The following FBXL14 variants were observed in gnomAD, a reference collection of about 807,000 sequenced individuals.
FBXL14 encodes F-box and leucine rich repeat protein 14.
In FBXL14, 11 loss-of-function variants were observed where a neutral mutation model predicts 24.5. That is an observed-to-expected ratio of 0.45 (90% CI 0.28 to 0.74). The LOEUF (loss-of-function observed/expected upper bound fraction) is 0.74. Ranked by LOEUF, FBXL14 falls within the 30% of genes least tolerant of loss-of-function variation. The probability of loss-of-function intolerance (pLI) is 0.12; values close to 1 mark genes in which losing one functional copy is unlikely to be tolerated. For missense variants in FBXL14, 384 were observed against 545.6 expected (o/e 0.70, Z 2.95); for synonymous variants, 294 against 240.4 (o/e 1.22, Z -2.06).
chr12:1,567,416 G>A lies in FBXL14; in HGVS notation c.1195-606C>T, dbSNP rs1367493053. On this transcript the variant is annotated intron_variant, in intron 1 of 1. Coordinates refer to ENST00000339235, the MANE Select transcript of FBXL14 (RefSeq NM_152441.3). The surrounding 1 kb of genome is among the most constrained non-coding windows in gnomAD (Gnocchi z 4.8). ...CTGAGGCAAGAGAACCGCTTGAACC[G>A]GGAGGCAGAGGTTGCAGTGAGCCAA... Among the ~76,000 whole-genome samples the A allele has an allele frequency of 1.3e-5, 2 of 152,042 alleles. No homozygotes were observed. Among genetic ancestry groups the A allele is most frequent in the Admixed American group, 6.6e-5 (1 of 15,246 alleles).
chr12:1,577,500 A>AT (rs1403751533), intron 1 of FBXL14, among the ~76,000 whole-genome samples: 1 of 152,170 alleles, frequency 6.6e-6, no homozygotes, highest in Admixed American at 6.5e-5. Context: ...AGTAAAAATA[A>AT]TTTTTTAACC....
rs577657068 is a variant in FBXL14 at position 1,567,201 on chromosome 12, G to A, written c.1195-391C>T. Among the ~76,000 whole-genome samples, 5 of 152,244 alleles carry A rather than the reference G, an allele frequency of 3.3e-5. No homozygotes were observed. In the East Asian group the frequency reaches 5.8e-4, roughly 18 times the overall value. On this transcript the variant is annotated intron_variant, in intron 1 of 1. Coordinates refer to ENST00000339235, the MANE Select transcript of FBXL14 (RefSeq NM_152441.3). This position sits in a 1 kb window ranked among gnomAD's most constrained non-coding sequence, Gnocchi z 4.8. Reference sequence around the variant, plus strand: ...AATAGGGCCTGGCACGGTGGCTGACGCCTGTAATCCCAGCACTTTGGGAGG... The same window carrying A: ...AATAGGGCCTGGCACGGTGGCTGACACCTGTAATCCCAGCACTTTGGGAGG...
Position 1,594,515 on chromosome 12 carries a change from G to C in FBXL14, c.-449C>G, listed in dbSNP as rs1050009513. Among the ~76,000 whole-genome samples, 1 of 147,328 alleles carries C rather than the reference G, an allele frequency of 6.8e-6. No homozygotes were observed. Among genetic ancestry groups the C allele is most frequent in the Non-Finnish European group, 1.5e-5 (1 of 66,122 alleles). On this transcript the variant is annotated 5_prime_UTR_variant, in exon 1 of 2. Coordinates refer to ENST00000339235, the MANE Select transcript of FBXL14 (RefSeq NM_152441.3). The stretch of plus-strand genomic sequence containing the variant: ...CCGGCGGGCGGCGAGGGGGCCCCGG[G>C]GGCCGGGCGCACGGGCTCCGGGCGC...
rs150243029 is a variant in FBXL14 at position 1,579,485 on chromosome 12, G to A, written c.1195-12675C>T. ...ACAAAAATTAGCCGGGCATGATGGCGCACACCTGTAATCCCAGCTACTCGA... is the reference window on the plus strand; with the variant it reads ...ACAAAAATTAGCCGGGCATGATGGCACACACCTGTAATCCCAGCTACTCGA... On this transcript the variant is annotated intron_variant, in intron 1 of 1. Transcript: ENST00000339235. This position sits in a 1 kb window ranked among gnomAD's most constrained non-coding sequence, Gnocchi z 4.3. Among the ~76,000 whole-genome samples the A allele has an allele frequency of 1.3e-5, 2 of 151,620 alleles. No individual in the cohort carries two copies. The highest frequency in any genetic ancestry group is 2.4e-5 in the African/African-American group (1 of 41,294).
chr12:1,590,364 C>T (rs1302201201), intron 1 of FBXL14, among the ~76,000 whole-genome samples: 1 of 152,198 alleles, frequency 6.6e-6, no homozygotes, highest in African/African-American at 2.4e-5. Context: ...GGTTCCAGCC[C>T]TCTTCCTGGA....
rs759409432 is a variant in FBXL14 at position 1,594,094 on chromosome 12, G to A, written c.-28C>T. 5 of 1,371,926 alleles carry A rather than the reference G, an allele frequency of 3.6e-6. No homozygotes were observed. Among genetic ancestry groups the A allele is most frequent in the Non-Finnish European group, 4.7e-6 (5 of 1,068,962 alleles). The allele number at this position is 1,371,926 out of a possible 1,614,324, so 85.0% of individuals were successfully genotyped here. The stretch of plus-strand genomic sequence containing the variant: ...TCCTCCTCCCCCCTCCGCGGCGCTG[G>A]GGGGAGGAGGCGCGGGCCCCGCCGC... On this transcript the variant is annotated 5_prime_UTR_variant, in exon 1 of 2. Transcript: ENST00000339235.
intron 1 of FBXL14, among the ~76,000 whole-genome samples, chr12:1,580,030 C>T (rs368719759): frequency 1.3e-4 from 20 of 152,282 alleles, no homozygotes; most frequent in South Asian, 6.2e-4. Context: ...TCCAATAGAC[C>T]GATACACATA....
At chr12:1,586,883 C>A (rs12827353) in intron 1 of FBXL14, among the ~76,000 whole-genome samples, 2,687 of 152,326 alleles carry the variant, frequency 0.018, 37 homozygotes, top group Middle Eastern at 0.065. Flanking sequence ...TTTGTTTCCA[C>A]TATCACAAAT....
chr12:1,567,017 A>T lies in FBXL14; in HGVS notation c.1195-207T>A, dbSNP rs2094437487. ...AGGGAGGACGGAGACTCATTTGTGA[A>T]TGTTCAGCTGAGGGGTGCAAGCTCA... On this transcript the variant is annotated intron_variant, in intron 1 of 1. Transcript: ENST00000339235. The surrounding 1 kb of genome is among the most constrained non-coding windows in gnomAD (Gnocchi z 4.8). Among the ~76,000 whole-genome samples the T allele has an allele frequency of 6.6e-6, 1 of 152,132 alleles. No homozygotes were observed. The highest frequency in any genetic ancestry group is 6.5e-5 in the Admixed American group (1 of 15,272).
At position 1,592,872 on chromosome 12, in the gene FBXL14, C is replaced by T. The variant is rs780124788; in HGVS notation, c.1194+1G>A. The T allele has an allele frequency of 6.4e-7, 1 of 1,562,950 alleles. No individual in the cohort carries two copies. The highest frequency in any genetic ancestry group is 1.2e-5 in the South Asian group (1 of 82,434). On this transcript the variant is annotated splice_donor_variant, in intron 1 of 1. Coordinates refer to ENST00000339235, the MANE Select transcript of FBXL14 (RefSeq NM_152441.3). LOFTEE classifies it high-confidence loss of function. Reference sequence around the variant, plus strand: ...AGCTGGTGCTGCCGCCCTCACCTGACCTTCTCACTGTCCGTCATCTGCCAG... The same window carrying T: ...AGCTGGTGCTGCCGCCCTCACCTGATCTTCTCACTGTCCGTCATCTGCCAG...
At chr12:1,591,000 C>T (rs377697689) in intron 1 of FBXL14, among the ~76,000 whole-genome samples, 3 of 152,360 alleles carry the variant, frequency 2.0e-5, no homozygotes, top group South Asian at 2.1e-4. Flanking sequence ...CTCTAGATCT[C>T]ATTTTCACCC....
intron 1 of FBXL14, among the ~76,000 whole-genome samples, chr12:1,585,968 A>G (rs570666903): frequency 8.5e-5 from 13 of 152,334 alleles, no homozygotes; most frequent in African/African-American, 2.4e-4. Flanking sequence ...CTGCATTACT[A>G]TGTGCAACAA....
At chr12:1,585,376 C>T (rs1054107065) in intron 1 of FBXL14, among the ~76,000 whole-genome samples, 29 of 146,540 alleles carry the variant, frequency 2.0e-4, no homozygotes, top group Admixed American at 6.9e-4. Context: ...CCAGCCTGGG[C>T]GACAGAGCGA....
chr12:1,569,286 T>C lies in FBXL14; in HGVS notation c.1195-2476A>G, dbSNP rs866079199. Among the ~76,000 whole-genome samples, 164 of 152,242 alleles carry C rather than the reference T, an allele frequency of 1.1e-3. No homozygotes were observed. Among genetic ancestry groups the C allele is most frequent in the African/African-American group, 3.5e-3 (147 of 41,564 alleles). On this transcript the variant is annotated intron_variant, in intron 1 of 1. Transcript: ENST00000339235. This position sits in a 1 kb window ranked among gnomAD's most constrained non-coding sequence, Gnocchi z 4.2. ...ATTTCTGATGTTTTCTAATTCTCTC[T>C]CTCTCTCTCCCTCTCCTTCCCATTC... is the stretch of plus-strand genomic sequence containing the variant.
intron 1 of FBXL14, among the ~76,000 whole-genome samples, chr12:1,589,165 A>G (rs1300706931): frequency 2.0e-5 from 3 of 149,308 alleles, no homozygotes; most frequent in African/African-American, 5.0e-5. Flanking sequence ...AGGTGGGCAG[A>G]TCGCTTGAGC....
At chr12:1,568,497 A>G (rs188828862) in intron 1 of FBXL14, among the ~76,000 whole-genome samples, 4 of 152,318 alleles carry the variant, frequency 2.6e-5, no homozygotes, top group Admixed American at 2.6e-4. Flanking sequence ...TGAAAGCAAA[A>G]TAATAACTTA....
intron 1 of FBXL14, among the ~76,000 whole-genome samples, chr12:1,573,157 TTGAG>T (rs2094448380): frequency 6.6e-6 from 1 of 152,086 alleles, no homozygotes; most frequent in South Asian, 2.1e-4. Context: ...TCTTTAGCAT[TTGAG>T]TGACACTTCA....
chr12:1,591,347 G>GTT (rs34841563), intron 1 of FBXL14, among the ~76,000 whole-genome samples: 14,059 of 138,128 alleles, frequency 0.1, 1,003 homozygotes, highest in African/African-American at 0.2. Flanking sequence ...CAAGGCTGTT[G>GTT]TTTTTTTTTT....
At chr12:1,575,707 C>T (rs1023500981) in intron 1 of FBXL14, among the ~76,000 whole-genome samples, 10 of 151,680 alleles carry the variant, frequency 6.6e-5, no homozygotes, top group African/African-American at 1.9e-4. Context: ...AGCCAACAGG[C>T]GTGGGAGCTT....
Sources: gnomAD v4.1 joint callset for allele counts (sites outside exome capture counted in the v4.1 genomes callset) on GRCh38, gnomAD v4.1.1 for gene constraint, Gnocchi (gnomAD v3.1) non-coding constraint, MANE v1.5 for transcripts, NCBI Gene and HGNC (gene_info 2026-07-23, HGNC 2026-07-21) for gene names.